TTC6: variants seen among roughly 807,000 people sequenced by gnomAD.
The protein encoded by TTC6 is tetratricopeptide repeat domain 6, also known as tetratricopeptide repeat protein 6.
In TTC6, 172 loss-of-function variants were observed where a neutral mutation model predicts 210.4. The observed-to-expected ratio is 0.82, with a 90% CI of 0.72 to 0.93. The LOEUF is 0.93. Ranked by LOEUF, TTC6 falls within the 40% of genes least tolerant of loss-of-function variation. The pLI, the probability that TTC6 is intolerant of heterozygous loss-of-function variation, is 0.00. For synonymous variants in TTC6, 804 were observed against 819.6 expected, an observed-to-expected ratio of 0.98 and a Z score of 0.32; for missense variants, 2,414 against 2,318.1, an observed-to-expected ratio of 1.04 and a Z score of -0.85.
At chr14:37,794,456 T>C (rs1259658327) in intron 17 of TTC6, among the ~76,000 whole-genome samples, 1 of 152,190 alleles carries the variant, frequency 6.6e-6, no homozygotes, top group Non-Finnish European at 1.5e-5. Context: ...TTAATTTTGC[T>C]CTGGTCTGTA....
intron 3 of TTC6, among the ~76,000 whole-genome samples, chr14:37,687,435 A>G (rs1001864164): frequency 6.6e-6 from 1 of 152,122 alleles, no homozygotes; most frequent in Non-Finnish European, 1.5e-5. Flanking sequence ...GGTAAGTCCT[A>G]GGGTTGAACT....
At chr14:37,820,379 A>C (rs1280079864) in intron 26 of TTC6, among the ~76,000 whole-genome samples, 1 of 152,218 alleles carries the variant, frequency 6.6e-6, no homozygotes, top group Non-Finnish European at 1.5e-5. Context: ...ATTAAACATT[A>C]GTGCTGATAA....
At chr14:37,638,089 C>A (rs2139371507) in intron 1 of TTC6, among the ~76,000 whole-genome samples, 1 of 152,142 alleles carries the variant, frequency 6.6e-6, no homozygotes, top group Non-Finnish European at 1.5e-5. Flanking sequence ...CCCAGATGTC[C>A]TTCAAGGGGT....
intron 5 of TTC6, among the ~76,000 whole-genome samples, chr14:37,709,738 T>C (rs1327368359): frequency 6.6e-6 from 1 of 151,592 alleles, no homozygotes; most frequent in Non-Finnish European, 1.5e-5. Flanking sequence ...ACACTTACTC[T>C]TCTATAGACT....
intron 1 of TTC6, among the ~76,000 whole-genome samples, chr14:37,653,366 C>T (rs920769898): frequency 3.9e-5 from 6 of 152,030 alleles, no homozygotes; most frequent in African/African-American, 1.4e-4. Flanking sequence ...AAATATTTTC[C>T]CCTTTGTTTT....
chr14:37,824,628 TA>T (rs1397306791), intron 27 of TTC6, among the ~76,000 whole-genome samples: 1 of 152,160 alleles, frequency 6.6e-6, no homozygotes, highest in Non-Finnish European at 1.5e-5. Context: ...ATCAAACAAT[TA>T]ATCATATGAA....
At chr14:37,664,636 C>G (rs1197547782) in intron 1 of TTC6, among the ~76,000 whole-genome samples, 2 of 150,568 alleles carry the variant, frequency 1.3e-5, no homozygotes, top group African/African-American at 4.8e-5. Flanking sequence ...GCAACAAAAG[C>G]AAACATTGAC....
chr14:37,657,723 C>T (rs1214684839), intron 1 of TTC6, among the ~76,000 whole-genome samples: 1 of 152,016 alleles, frequency 6.6e-6, no homozygotes, highest in Non-Finnish European at 1.5e-5. Context: ...AATTCTTAGG[C>T]CTAAATTCTA....
chr14:37,772,967 A>T (rs1340198941), intron 14 of TTC6, among the ~76,000 whole-genome samples: 1 of 152,000 alleles, frequency 6.6e-6, no homozygotes, highest in African/African-American at 2.4e-5. Flanking sequence ...ATGGTATATC[A>T]TTGTGGTTTT....
At chr14:37,606,949 T>C (rs2095626291) in intron 2 of TTC6, among the ~76,000 whole-genome samples, 1 of 152,238 alleles carries the variant, frequency 6.6e-6, no homozygotes, top group African/African-American at 2.4e-5. Flanking sequence ...TTTAATTTGC[T>C]GATTTGCATT....
At chr14:37,758,624 C>T (rs1033734561) in intron 14 of TTC6, among the ~76,000 whole-genome samples, 25 of 152,104 alleles carry the variant, frequency 1.6e-4, no homozygotes, top group African/African-American at 6.0e-4. Context: ...ACCGATGGGT[C>T]TTGACTCTTT....
intron 7 of TTC6, among the ~76,000 whole-genome samples, chr14:37,730,845 T>C (rs2095884069): frequency 2.0e-5 from 3 of 152,240 alleles, no homozygotes; most frequent in African/African-American, 7.2e-5. Context: ...TGGTCTTGTT[T>C]AAAATGAAGA....
chr14:37,597,991 G>A (rs2095607727), intron 1 of TTC6, among the ~76,000 whole-genome samples: 1 of 152,202 alleles, frequency 6.6e-6, no homozygotes, highest in Non-Finnish European at 1.5e-5. Context: ...TTTCCCTGAG[G>A]TTTAAAAGCG....
intron 14 of TTC6, among the ~76,000 whole-genome samples, chr14:37,756,796 A>G (rs1325590316): frequency 6.6e-6 from 1 of 151,686 alleles, no homozygotes; most frequent in African/African-American, 2.4e-5. Flanking sequence ...AGCGATATTG[A>G]CCTGAAATTT....
At chr14:37,773,910 T>C (rs913292193) in intron 14 of TTC6, among the ~76,000 whole-genome samples, 2 of 152,166 alleles carry the variant, frequency 1.3e-5, no homozygotes, top group African/African-American at 4.8e-5. Flanking sequence ...TTTTTTCGTT[T>C]GTTTGTGGTC....
At chr14:37,696,458 A>G (rs2095814998) in intron 3 of TTC6, among the ~76,000 whole-genome samples, 1 of 152,154 alleles carries the variant, frequency 6.6e-6, no homozygotes, top group South Asian at 2.1e-4. Flanking sequence ...GAGGGAAAAT[A>G]TATTTATTCT....
chr14:37,627,663 A>G (rs1354459824), intron 1 of TTC6, among the ~76,000 whole-genome samples: 1 of 152,190 alleles, frequency 6.6e-6, no homozygotes, highest in Non-Finnish European at 1.5e-5. Flanking sequence ...ATAGTATTCA[A>G]TGGTGTATAT....
At chr14:37,795,077 A>T (rs1020603329) in intron 17 of TTC6, among the ~76,000 whole-genome samples, 193 bp from the exon 20 acceptor site, 2 of 152,172 alleles carry the variant, frequency 1.3e-5, no homozygotes, top group African/African-American at 2.4e-5. Context: ...GATGATTTTT[A>T]AAAACTAAGA....
chr14:37,784,553 G>T (rs148223054), intron 14 of TTC6, among the ~76,000 whole-genome samples: 1 of 152,230 alleles, frequency 6.6e-6, no homozygotes, highest in African/African-American at 2.4e-5. Flanking sequence ...ACAGCACACT[G>T]ATGACTCCTG....
Sources: allele counts gnomAD v4.1 joint callset (sites outside exome capture counted in the v4.1 genomes callset), GRCh38; gene constraint gnomAD v4.1.1; transcripts MANE v1.5; gene names NCBI Gene and HGNC (gene_info 2026-07-23, HGNC 2026-07-21).